The following BMAL2 variants were observed in gnomAD, a reference collection of about 807,000 sequenced individuals.
BMAL2 encodes basic helix-loop-helix ARNT-like protein 2.
At chr12:27,411,181 G>A in the BMAL2 span, among the ~76,000 whole-genome samples, 151 of 152,158 alleles carry the variant, frequency 9.9e-4, 1 homozygote, top group African/African-American at 3.3e-3. Context: ...AGCCTGGAGT[G>A]CAGCGGTGCG....
chr12:27,386,397 G>A, the BMAL2 span, among the ~76,000 whole-genome samples: 3 of 152,128 alleles, frequency 2.0e-5, no homozygotes, highest in Middle Eastern at 3.2e-3. Context: ...ATATGTACCC[G>A]CTTCCATGCA....
chr12:27,406,426 G>A, the BMAL2 span, among the ~76,000 whole-genome samples: 5 of 152,160 alleles, frequency 3.3e-5, no homozygotes, highest in Non-Finnish European at 5.9e-5. Context: ...AGAAGAGAGT[G>A]GGGGCCAATA....
chr12:27,396,760 G>T, the BMAL2 span, among the ~76,000 whole-genome samples: 2 of 152,188 alleles, frequency 1.3e-5, no homozygotes, highest in Non-Finnish European at 2.9e-5. Flanking sequence ...CACACTAGAG[G>T]TCTGTACCAA....
At chr12:27,407,906 A>G in the BMAL2 span, among the ~76,000 whole-genome samples, 853 of 152,172 alleles carry the variant, frequency 5.6e-3, 11 homozygotes, top group African/African-American at 0.019. Context: ...AAATGATAAA[A>G]GGGATATCAC....
the BMAL2 span, chr12:27,401,155 C>A: frequency 1.1e-6 from 1 of 913,768 alleles, no homozygotes; most frequent in Admixed American, 1.8e-5. Context: ...TCATCCCCTA[C>A]CCTGTGCACT....
the BMAL2 span, among the ~76,000 whole-genome samples, chr12:27,405,856 G>C: frequency 6.6e-6 from 1 of 152,156 alleles, no homozygotes; most frequent in Non-Finnish European, 1.5e-5. Context: ...AAAAAAATTA[G>C]ATGAATGGCT....
chr12:27,395,792 C>G, the BMAL2 span, among the ~76,000 whole-genome samples: 2 of 152,152 alleles, frequency 1.3e-5, no homozygotes, highest in African/African-American at 4.8e-5. Context: ...CTGGGAGGAA[C>G]TAAAGGAACA....
chr12:27,387,473 A>G, the BMAL2 span, among the ~76,000 whole-genome samples: 1 of 152,212 alleles, frequency 6.6e-6, no homozygotes, highest in Admixed American at 6.5e-5. Flanking sequence ...AGCTGTGTGG[A>G]AAGAGTAAGG....
the BMAL2 span, among the ~76,000 whole-genome samples, chr12:27,333,879 C>T: frequency 6.6e-6 from 1 of 152,228 alleles, no homozygotes; most frequent in Non-Finnish European, 1.5e-5. Flanking sequence ...TCTGTAGTTC[C>T]TTACAACGGG....
At chr12:27,352,008 C>T in the BMAL2 span, among the ~76,000 whole-genome samples, 1 of 152,090 alleles carries the variant, frequency 6.6e-6, no homozygotes, top group Non-Finnish European at 1.5e-5. Flanking sequence ...CAGAGGACTC[C>T]ATCATATCAC....
At chr12:27,420,019 G>GCACACACACACACACACACACA in the BMAL2 span, among the ~76,000 whole-genome samples, 1 of 147,478 alleles carries the variant, frequency 6.8e-6, no homozygotes, top group Non-Finnish European at 1.5e-5. Flanking sequence ...GTTTGCGCGT[G>GCACACACACACACACACACACA]CACACACACA....
the BMAL2 span, among the ~76,000 whole-genome samples, chr12:27,411,437 C>G: frequency 6.6e-6 from 1 of 151,604 alleles, no homozygotes; most frequent in Non-Finnish European, 1.5e-5. Flanking sequence ...GGCAACATAT[C>G]GAGACCCCAT....
chr12:27,374,546 A>G, the BMAL2 span, among the ~76,000 whole-genome samples: 2 of 152,250 alleles, frequency 1.3e-5, no homozygotes, highest in Admixed American at 6.5e-5. Flanking sequence ...ATTCCAGACT[A>G]TTAGGAAGAA....
the BMAL2 span, among the ~76,000 whole-genome samples, chr12:27,392,606 G>A: frequency 4.6e-5 from 7 of 152,036 alleles, no homozygotes; most frequent in South Asian, 1.2e-3. Context: ...CACTGTGTTG[G>A]TTCACCTCTA....
At chr12:27,374,809 T>G in the BMAL2 span, among the ~76,000 whole-genome samples, 1 of 152,200 alleles carries the variant, frequency 6.6e-6, no homozygotes, top group Non-Finnish European at 1.5e-5. Flanking sequence ...GTCATTAACT[T>G]TACTCAACTC....
At chr12:27,396,722 C>G in the BMAL2 span, among the ~76,000 whole-genome samples, 1 of 152,182 alleles carries the variant, frequency 6.6e-6, no homozygotes, top group African/African-American at 2.4e-5. Flanking sequence ...TGAATCTGCT[C>G]AAGCCCTGGA....
At chr12:27,402,725 T>G in the BMAL2 span, 1 of 1,490,768 alleles carries the variant, frequency 6.7e-7, no homozygotes, top group East Asian at 2.3e-5. Context: ...AGACATATTA[T>G]TAAGACTATT....
chr12:27,345,950 A>G, the BMAL2 span, among the ~76,000 whole-genome samples: 7 of 152,324 alleles, frequency 4.6e-5, no homozygotes, highest in African/African-American at 1.7e-4. Flanking sequence ...TATTGAAGCA[A>G]ATATTTAAAA....
the BMAL2 span, among the ~76,000 whole-genome samples, chr12:27,339,892 G>A: frequency 6.6e-6 from 1 of 152,106 alleles, no homozygotes; most frequent in African/African-American, 2.4e-5. Context: ...TTGGCCACAT[G>A]TATGTCTTTT....
Sources: allele counts gnomAD v4.1 joint callset (sites outside exome capture counted in the v4.1 genomes callset), GRCh38; gene constraint gnomAD v4.1.1; transcripts MANE v1.5; gene names NCBI Gene and HGNC (gene_info 2026-07-23, HGNC 2026-07-21).